FTO: variants seen among roughly 807,000 people sequenced by gnomAD.
FTO encodes the protein alpha-ketoglutarate-dependent dioxygenase FTO.
FTO carries 47 observed loss-of-function variants against 63.9 expected under a neutral mutation model. The ratio of observed to expected loss-of-function variants is 0.74; its 90% CI spans 0.58 to 0.94. The LOEUF is 0.94. Ranked by LOEUF, FTO falls within the 40% of genes least tolerant of loss-of-function variation. The pLI, the probability that FTO is intolerant of heterozygous loss-of-function variation, is 0.00. For synonymous variants in FTO, 207 were observed against 224.4 expected (o/e 0.92, Z 0.69); for missense variants, 562 against 618.1 (o/e 0.91, Z 0.96).
At chr16:53,776,913 G>T (rs747659520) in intron 1 of FTO, among the ~76,000 whole-genome samples, 1 of 152,036 alleles carries the variant, frequency 6.6e-6, no homozygotes. Flanking sequence ...AACTTGTCAA[G>T]TGATAGCTTC....
intron 4 of FTO, among the ~76,000 whole-genome samples, chr16:53,845,166 A>C (rs929303670): frequency 5.3e-5 from 8 of 152,156 alleles, no homozygotes; most frequent in African/African-American, 1.9e-4. Flanking sequence ...TTTTACTCAC[A>C]AAGCTTCTCA....
chr16:53,918,936 G>T (rs1201967937), intron 7 of FTO, among the ~76,000 whole-genome samples: 1 of 152,116 alleles, frequency 6.6e-6, no homozygotes, highest in East Asian at 1.9e-4. Flanking sequence ...CTAAGCCTCA[G>T]TTTCCTTGTC....
intron 7 of FTO, among the ~76,000 whole-genome samples, chr16:53,898,697 T>A (rs1307510992): frequency 1.3e-5 from 2 of 152,180 alleles, no homozygotes; most frequent in African/African-American, 4.8e-5. Context: ...TAAATCTTTT[T>A]TTGGGACGGT....
intron 1 of FTO, among the ~76,000 whole-genome samples, chr16:53,758,849 C>T (rs192560258): frequency 1.2e-4 from 19 of 152,220 alleles, no homozygotes; most frequent in East Asian, 3.9e-4. Flanking sequence ...AACCTTCACA[C>T]TGTTAATTTT....
chr16:53,791,702 A>G (rs936037002), intron 1 of FTO, among the ~76,000 whole-genome samples: 4 of 152,260 alleles, frequency 2.6e-5, no homozygotes, highest in South Asian at 2.1e-4. Context: ...GAAAATGGAC[A>G]TATTGAAATA....
rs1239987040 is a variant in FTO at position 53,716,392 on chromosome 16, TGAG to T, written c.45+12167_45+12169del. Reference sequence around the variant, plus strand: ...TCTTATTGCTTTAGAGTATAGTTTATGAGGAGAAACTGTAGCCTGTGGTGGTTA... The same window carrying T: ...TCTTATTGCTTTAGAGTATAGTTTATGAGAAACTGTAGCCTGTGGTGGTTA... On this transcript the variant is annotated intron_variant, in intron 1 of 8. Coordinates refer to ENST00000471389, the MANE Select transcript of FTO (RefSeq NM_001080432.3). Among the ~76,000 whole-genome samples the T allele has an allele frequency of 2.6e-5, 4 of 152,282 alleles. No homozygotes were observed. In the East Asian group the frequency reaches 7.7e-4, roughly 29 times the overall value.
intron 6 of FTO, 152 bp downstream of exon 6, chr16:53,880,139 T>G: frequency 1.6e-6 from 1 of 626,930 alleles, no homozygotes; most frequent in Non-Finnish European, 2.8e-6. Flanking sequence ...GGACTACAGG[T>G]GCATGCGCCA....
intron 8 of FTO, among the ~76,000 whole-genome samples, chr16:53,968,492 C>T (rs1959167005): frequency 6.6e-6 from 1 of 152,220 alleles, no homozygotes. Flanking sequence ...CATCTAAAAT[C>T]AGCAGGCCAA....
At chr16:53,876,628 C>A (rs574023698) in intron 5 of FTO, among the ~76,000 whole-genome samples, 1 of 152,240 alleles carries the variant, frequency 6.6e-6, no homozygotes, top group African/African-American at 2.4e-5. Context: ...GCAAAGGAAT[C>A]GAATTAACAT....
intron 8 of FTO, among the ~76,000 whole-genome samples, chr16:53,963,953 A>G (rs991620001): frequency 6.6e-6 from 1 of 152,162 alleles, no homozygotes; most frequent in East Asian, 1.9e-4. Flanking sequence ...GGGTTTCACC[A>G]TGTTGACCAG....
Position 54,117,521 on chromosome 16 carries a change from AT to A in FTO, c.*5607del, listed in dbSNP as rs1489832169. 6.6e-6 allele frequency: 1 copy of A among 152,228 alleles called. No homozygotes were observed. Among genetic ancestry groups the A allele is most frequent in the African/African-American group, 2.4e-5 (1 of 41,454 alleles). The allele number at this position is 152,228 out of a possible 1,614,324, so 9.4% of individuals were successfully genotyped here. On this transcript the variant is annotated 3_prime_UTR_variant, in exon 9 of 9. Coordinates refer to ENST00000471389, the MANE Select transcript of FTO (RefSeq NM_001080432.3). ...CACGCCACGCATGTACATTATTATG[AT>A]GAAAAATATGATCCGTGATATCCTG... is the stretch of plus-strand genomic sequence containing the variant.
chr16:53,905,905 A>T (rs1413883679), intron 7 of FTO, among the ~76,000 whole-genome samples: 1 of 152,166 alleles, frequency 6.6e-6, no homozygotes, highest in Admixed American at 6.5e-5. Flanking sequence ...TATTTGTTGA[A>T]TGCCTTGCTC....
chr16:53,887,269 CAG>C (rs1178580492), intron 6 of FTO, among the ~76,000 whole-genome samples: 2 of 152,188 alleles, frequency 1.3e-5, no homozygotes, highest in Non-Finnish European at 2.9e-5. Context: ...AAAATAGCTG[CAG>C]AGTCTTCTTC....
intron 1 of FTO, among the ~76,000 whole-genome samples, chr16:53,800,318 A>G (rs2151711016): frequency 6.6e-6 from 1 of 152,312 alleles, no homozygotes; most frequent in South Asian, 2.1e-4. Flanking sequence ...CTAGATGTAT[A>G]TCTGTTATTA....
intron 8 of FTO, among the ~76,000 whole-genome samples, chr16:54,015,339 C>T (rs1314580376): frequency 6.6e-6 from 1 of 152,200 alleles, no homozygotes; most frequent in African/African-American, 2.4e-5. Context: ...AAGTGTGCGT[C>T]ACCTACACAA....
At chr16:54,107,929 C>T (rs1472993622) in intron 8 of FTO, among the ~76,000 whole-genome samples, 1 of 152,102 alleles carries the variant, frequency 6.6e-6, no homozygotes, top group African/African-American at 2.4e-5. Context: ...GATTTTGCCC[C>T]ATATTGGGTC....
chr16:53,809,344 T>G (rs1290404850), intron 1 of FTO, among the ~76,000 whole-genome samples: 1 of 152,216 alleles, frequency 6.6e-6, no homozygotes, highest in Admixed American at 6.5e-5. Context: ...CTCAAATAAA[T>G]GTTTACAAGA....
chr16:54,081,066 T>A (rs1376462833), intron 8 of FTO, among the ~76,000 whole-genome samples: 1 of 151,780 alleles, frequency 6.6e-6, no homozygotes, highest in Non-Finnish European at 1.5e-5. Context: ...TAAAAAGGAG[T>A]TGGGATTTTT....
intron 4 of FTO, among the ~76,000 whole-genome samples, chr16:53,845,957 T>A (rs1483491943): frequency 6.6e-6 from 1 of 152,214 alleles, no homozygotes; most frequent in Non-Finnish European, 1.5e-5. Context: ...ATGCCCTTCA[T>A]CTCTTGCCTT....
Sources: allele counts gnomAD v4.1 joint callset (sites outside exome capture counted in the v4.1 genomes callset), GRCh38; gene constraint gnomAD v4.1.1; transcripts MANE v1.5; gene names NCBI Gene and HGNC (gene_info 2026-07-23, HGNC 2026-07-21).